Variants in LOC131768270 observed in about 807,000 individuals in gnomAD.
chr5:140,565,962 A>C, the LOC131768270 span: 484 of 398,912 alleles, frequency 1.2e-3, 1 homozygote, highest in African/African-American at 8.5e-3. Context: ...TCAACAGTGG[A>C]GTGGGCCAGG....
the LOC131768270 span, among the ~76,000 whole-genome samples, chr5:140,566,368 AG>A: frequency 5.9e-5 from 9 of 152,140 alleles, no homozygotes; most frequent in African/African-American, 2.2e-4. Flanking sequence ...TTCTGACCCC[AG>A]GGTTCTGAGA....
the LOC131768270 span, chr5:140,567,700 CAG>C: frequency 4.3e-6 from 7 of 1,614,010 alleles, no homozygotes; most frequent in Admixed American, 3.3e-5. Flanking sequence ...CAGCTGCTGC[CAG>C]CCCCATGCCC....
the LOC131768270 span, chr5:140,568,324 C>A: frequency 1.1e-6 from 1 of 952,030 alleles, no homozygotes; most frequent in East Asian, 2.6e-5. Context: ...AGGGGTACCC[C>A]TAGGAGATGT....
the LOC131768270 span, chr5:140,568,184 T>G: frequency 1.1e-5 from 18 of 1,613,284 alleles, no homozygotes; most frequent in Non-Finnish European, 1.4e-5. Context: ...CCCTGTAGAT[T>G]GGGCGCCACC....
chr5:140,567,199 C>T, the LOC131768270 span: 7 of 1,614,004 alleles, frequency 4.3e-6, no homozygotes, highest in South Asian at 5.5e-5. Flanking sequence ...GTATGCCAGG[C>T]CTGGGCCGTC....
chr5:140,565,840 A>C, the LOC131768270 span: 1 of 398,756 alleles, frequency 2.5e-6, no homozygotes, highest in Non-Finnish European at 4.4e-6. Context: ...GGGCTTAGTC[A>C]GACTGCTGGA....
chr5:140,568,296 C>A, the LOC131768270 span: 1 of 1,281,602 alleles, frequency 7.8e-7, no homozygotes, highest in Non-Finnish European at 1.1e-6. Context: ...AGGTTATTCT[C>A]TGGAGGTTGG....
At chr5:140,565,936 C>T in the LOC131768270 span, 3 of 398,786 alleles carry the variant, frequency 7.5e-6, no homozygotes, top group East Asian at 3.6e-5. Flanking sequence ...CCTGCAGCGG[C>T]GTGTAGAAGA....
the LOC131768270 span, chr5:140,565,092 G>T: frequency 2.6e-6 from 1 of 389,128 alleles, no homozygotes; most frequent in Non-Finnish European, 4.5e-6. Flanking sequence ...TCACGAACCC[G>T]TTACTAGCAC....
the LOC131768270 span, chr5:140,568,184 T>C: frequency 6.2e-7 from 1 of 1,613,164 alleles, no homozygotes; most frequent in African/African-American, 1.3e-5. Context: ...CCCTGTAGAT[T>C]GGGCGCCACC....
At chr5:140,566,559 C>T in the LOC131768270 span, 1 of 421,586 alleles carries the variant, frequency 2.4e-6, no homozygotes, top group East Asian at 3.5e-5. Flanking sequence ...GCATTTTTCT[C>T]TGCAGGATGG....
the LOC131768270 span, chr5:140,567,929 G>A: frequency 1.9e-6 from 3 of 1,614,222 alleles, no homozygotes; most frequent in Non-Finnish European, 2.5e-6. Context: ...AGGATGGGCA[G>A]CACTCGTGGT....
the LOC131768270 span, chr5:140,568,225 C>T: frequency 1.7e-5 from 27 of 1,602,758 alleles, no homozygotes; most frequent in African/African-American, 2.4e-4. Flanking sequence ...CTTCCTCCCT[C>T]TCCCATCAGC....
the LOC131768270 span, chr5:140,567,604 G>A: frequency 8.1e-6 from 13 of 1,614,058 alleles, no homozygotes; most frequent in South Asian, 7.7e-5. Context: ...AGGGGTTAGC[G>A]CTGCTGCTGC....
chr5:140,566,325 C>A, the LOC131768270 span, among the ~76,000 whole-genome samples: 1 of 152,136 alleles, frequency 6.6e-6, no homozygotes, highest in Non-Finnish European at 1.5e-5. Context: ...CATCTCTGAC[C>A]TTGTGTGGCG....
the LOC131768270 span, chr5:140,567,876 A>AT: frequency 2.7e-5 from 44 of 1,614,100 alleles, no homozygotes; most frequent in Non-Finnish European, 3.7e-5. Flanking sequence ...CTAGGTCTGC[A>AT]TGCTGGCGGC....
the LOC131768270 span, chr5:140,567,152 C>G: frequency 6.2e-7 from 1 of 1,614,164 alleles, no homozygotes; most frequent in Non-Finnish European, 8.5e-7. Context: ...CCTTAGCCAC[C>G]CAGGGTCTTG....
chr5:140,567,791 C>T, the LOC131768270 span: 13 of 1,613,966 alleles, frequency 8.1e-6, no homozygotes, highest in Non-Finnish European at 1.1e-5. Context: ...GTACACAGAG[C>T]TGCTCATGAA....
the LOC131768270 span, chr5:140,566,485 T>C: frequency 2.0e-5 from 8 of 400,816 alleles, no homozygotes; most frequent in South Asian, 6.8e-4. Flanking sequence ...GGTGGTGGAA[T>C]GCTCTAATCC....
Sources: gnomAD v4.1 joint callset for allele counts (sites outside exome capture counted in the v4.1 genomes callset) on GRCh38, gnomAD v4.1.1 for gene constraint, MANE v1.5 for transcripts.